Variants in GDA observed in about 807,000 individuals in gnomAD.
GDA encodes cytoplasmic PSD-95 interactor.
GDA carries 18 observed loss-of-function variants against 59.6 expected under a neutral mutation model. That is an observed-to-expected ratio of 0.30 (90% CI 0.21 to 0.45). The LOEUF is 0.45. GDA is among the 20% of genes least tolerant of loss of function. The probability of loss-of-function intolerance (pLI) is 1.00; values close to 1 mark genes in which losing one functional copy is unlikely to be tolerated. For synonymous variants in GDA, 201 were observed against 201.1 expected, an observed-to-expected ratio of 1.00 and a Z score of 0.00; for missense variants, 427 against 552.3, an observed-to-expected ratio of 0.77 and a Z score of 2.27.
At chr9:72,151,154 G>A (rs1008391276) in intron 1 of GDA, among the ~76,000 whole-genome samples, 2 of 152,222 alleles carry the variant, frequency 1.3e-5, no homozygotes, top group African/African-American at 4.8e-5. Flanking sequence ...TGCTTGTACA[G>A]AAGAAGAATA....
At chr9:72,161,173 G>A (rs956844939) in intron 1 of GDA, among the ~76,000 whole-genome samples, 2 of 151,882 alleles carry the variant, frequency 1.3e-5, no homozygotes, top group African/African-American at 2.4e-5. Context: ...CTCCCAAAGT[G>A]CTGGGATTAT....
intron 1 of GDA, among the ~76,000 whole-genome samples, chr9:72,140,907 C>T (rs1826416652): frequency 6.6e-6 from 1 of 152,122 alleles, no homozygotes; most frequent in African/African-American, 2.4e-5. Context: ...CCTGTAATCC[C>T]AGGGCTTTGG....
downstream of GDA, among the ~76,000 whole-genome samples, chr9:72,256,598 C>A (rs556203088): frequency 4.6e-5 from 7 of 152,098 alleles, no homozygotes; most frequent in Admixed American, 2.6e-4. Flanking sequence ...AAAGGTATTT[C>A]GAGTAGAGCG....
chr9:72,202,096 T>G (rs1004673873), intron 2 of GDA, among the ~76,000 whole-genome samples: 1 of 152,238 alleles, frequency 6.6e-6, no homozygotes, highest in Non-Finnish European at 1.5e-5. Context: ...TCAAGATGAC[T>G]GCTGAGTCTA....
chr9:72,163,106 G>A (rs756063110), intron 1 of GDA, among the ~76,000 whole-genome samples: 6 of 152,188 alleles, frequency 3.9e-5, no homozygotes, highest in Non-Finnish European at 7.3e-5. Context: ...TAGACATGGA[G>A]AGAAACAGGG....
chr9:72,161,958 T>TA (rs1343941477), intron 1 of GDA, among the ~76,000 whole-genome samples: 1 of 152,250 alleles, frequency 6.6e-6, no homozygotes, highest in South Asian at 2.1e-4. Context: ...ACACAAGAAG[T>TA]AACATCGTTG....
rs1232346257 is a variant in GDA, at chr9:72,249,329, C to T, written c.*987C>T. 7.1e-6 allele frequency: 7 copies of T among 980,498 alleles called. No homozygotes were observed. In the South Asian group the frequency reaches 1.9e-4, roughly 26 times the overall value. The allele number at this position is 980,498 out of a possible 1,614,324, so 60.7% of individuals were successfully genotyped here. A position where few individuals can be genotyped will look rare whatever the true frequency, so the allele number is the denominator to read the frequency against. ...AATATGTTGTAGTTTCTGGAAATTC[C>T]ATACTCAGATATCAGTCTGCTAGAA... is the stretch of plus-strand genomic sequence containing the variant. On this transcript the variant is annotated 3_prime_UTR_variant, in exon 14 of 14. Coordinates refer to ENST00000358399, the MANE Select transcript of GDA (RefSeq NM_004293.5).
At chr9:72,248,111 A>G (rs756373211) in intron 13 of GDA, among the ~76,000 whole-genome samples, 161 bp from the exon 14 acceptor site, 3 of 152,176 alleles carry the variant, frequency 2.0e-5, no homozygotes, top group Non-Finnish European at 2.9e-5. Context: ...TACTAGTCAT[A>G]TCTTCCTGTT....
Position 72,219,511 on chromosome 9 carries a change from G to A in GDA, c.606+5G>A. 4 of 1,598,024 alleles carry A rather than the reference G, an allele frequency of 2.5e-6. No homozygotes were observed. Among genetic ancestry groups the A allele is most frequent in the Non-Finnish European group, 3.4e-6 (4 of 1,169,482 alleles). ...TCAGAAATGCTCCAAAAGAACGTGAGTAACTTTGTTCAGAGCTCGCTTTTA... is the reference window on the plus strand; with the variant it reads ...TCAGAAATGCTCCAAAAGAACGTGAATAACTTTGTTCAGAGCTCGCTTTTA... On this transcript the variant is annotated splice_donor_5th_base_variant and intron_variant, in intron 6 of 13. Transcript: ENST00000358399.
At chr9:72,186,307 A>G (rs1346799392) in intron 1 of GDA, among the ~76,000 whole-genome samples, 1 of 152,168 alleles carries the variant, frequency 6.6e-6, no homozygotes, top group African/African-American at 2.4e-5. Flanking sequence ...TAGTCCTTGT[A>G]CTGTATCCCC....
In GDA at chr9:72,143,128, ATT is replaced by A. The variant is rs534785979; in HGVS notation, c.-100+28312_-100+28313del. Reference sequence around the variant, plus strand: ...GTACACAAAATAACACAGGTCAAGAATTTTTTTTTTTTTTTTTTGAGGTGGAT... The same window carrying A: ...GTACACAAAATAACACAGGTCAAGAATTTTTTTTTTTTTTTTGAGGTGGAT... On this transcript the variant is annotated intron_variant, in intron 1 of 13. Coordinates refer to the GDA transcript ENST00000545168. Among the ~76,000 whole-genome samples the A allele has an allele frequency of 7.7e-3, 966 of 125,234 alleles. 2 individuals are homozygous for A. Among genetic ancestry groups the A allele is most frequent in the Middle Eastern group, 0.027 (6 of 220 alleles). The allele number at this position is 125,234 out of a possible 152,430, so 82.2% of individuals were successfully genotyped here. A position where few individuals can be genotyped will look rare whatever the true frequency, so the allele number is the denominator to read the frequency against.
intron 3 of GDA, among the ~76,000 whole-genome samples, chr9:72,206,368 A>T (rs80012311): frequency 6.7e-6 from 1 of 150,090 alleles, no homozygotes; most frequent in Admixed American, 6.7e-5. Flanking sequence ...TTTTAGTTCC[A>T]TTTTTTTTTG....
At chr9:72,169,731 A>G (rs535531085) in intron 1 of GDA, among the ~76,000 whole-genome samples, 104 of 152,340 alleles carry the variant, frequency 6.8e-4, no homozygotes, top group African/African-American at 2.4e-3. Context: ...TTCTGTTATC[A>G]TCCAACTTCC....
At chr9:72,168,390 C>CTTTTTTTTTTTTTTTTTTTTTTTGTTT (rs77778231) in intron 1 of GDA, among the ~76,000 whole-genome samples, 1 of 105,882 alleles carries the variant, frequency 9.4e-6, no homozygotes, top group Non-Finnish European at 1.8e-5. Context: ...GAGACTTTGT[C>CTTTTTTTTTTTTTTTTTTTTTTTGTTT]TTTTTTTTTT....
At chr9:72,221,737 G>A (rs1212203963) in intron 6 of GDA, among the ~76,000 whole-genome samples, 2 of 152,158 alleles carry the variant, frequency 1.3e-5, no homozygotes, top group African/African-American at 4.8e-5. Flanking sequence ...AGGCCCCAGT[G>A]TTTGTTGTTC....
intron 3 of GDA, among the ~76,000 whole-genome samples, chr9:72,206,953 A>C (rs970999960): frequency 6.7e-6 from 1 of 149,912 alleles, no homozygotes; most frequent in Non-Finnish European, 1.5e-5. Context: ...TTTTTTTTTG[A>C]CTCTTGAACA....
intron 1 of GDA, among the ~76,000 whole-genome samples, chr9:72,119,005 T>C (rs903035103): frequency 3.3e-5 from 5 of 152,160 alleles, no homozygotes; most frequent in Non-Finnish European, 7.3e-5. Flanking sequence ...TAAATATTAA[T>C]GAAATTGATA....
downstream of GDA, among the ~76,000 whole-genome samples, chr9:72,259,576 G>T (rs796919466): frequency 1.1e-4 from 17 of 152,320 alleles, 1 homozygote; most frequent in Admixed American, 5.2e-4. Flanking sequence ...CCAGCCAGTT[G>T]TTCCTGGAGC....
chr9:72,172,599 G>T (rs1830085827), intron 1 of GDA, among the ~76,000 whole-genome samples: 2 of 152,150 alleles, frequency 1.3e-5, no homozygotes, highest in African/African-American at 4.8e-5. Context: ...AAAGGCTGGG[G>T]TTTAGGGTTT....
Sources: allele counts gnomAD v4.1 joint callset (sites outside exome capture counted in the v4.1 genomes callset), GRCh38; gene constraint gnomAD v4.1.1; transcripts MANE v1.5; gene names NCBI Gene and HGNC (gene_info 2026-07-23, HGNC 2026-07-21).